RBPMS2: variants seen among roughly 807,000 people sequenced by gnomAD.
RBPMS2 encodes the protein RNA binding protein, mRNA processing factor 2.
A neutral mutation model predicts 25.7 loss-of-function variants in RBPMS2; 14 were observed. That is an observed-to-expected ratio of 0.55 (90% confidence interval 0.36 to 0.85). The LOEUF is 0.85. Among genes scored for constraint, RBPMS2 ranks in the 40% least tolerant of loss-of-function variants. The pLI, the probability that RBPMS2 is intolerant of heterozygous loss-of-function variation, is 0.01. For missense variants in RBPMS2, 252 were observed against 283.4 expected, an observed-to-expected ratio of 0.89 and a Z score of 0.80; for synonymous variants, 127 against 115.6, an observed-to-expected ratio of 1.10 and a Z score of -0.63.
Position 64,775,342 on chromosome 15 carries a change from G to T in RBPMS2, c.-23C>A, listed in dbSNP as rs533307410. The T allele has an allele frequency of 6.9e-4, 857 of 1,243,916 alleles. 18 individuals are homozygous for T. In the East Asian group the frequency reaches 0.028, roughly 40 times the overall value. 77.1% of individuals were successfully genotyped at this position (1,243,916 alleles called of 1,614,324 possible). A position where few individuals can be genotyped will look rare whatever the true frequency, so the allele number is the denominator to read the frequency against. On this transcript the variant is annotated 5_prime_UTR_variant, in exon 1 of 8. Coordinates refer to ENST00000300069, the MANE Select transcript of RBPMS2 (RefSeq NM_194272.3). ...CATGGTGCGGGGGAGGGGGCGGCGG[G>T]AAGGAACGCGAGGGCGAGCGCGGCG...
chr15:64,746,122 G>A (rs1344920918), intron 6 of RBPMS2, among the ~76,000 whole-genome samples: 1 of 152,166 alleles, frequency 6.6e-6, no homozygotes, highest in African/African-American at 2.4e-5. Context: ...TCTTAGTCGG[G>A]AAACAGTAAA....
At chr15:64,758,709 G>A (rs921507072) in intron 1 of RBPMS2, among the ~76,000 whole-genome samples, 2 of 151,930 alleles carry the variant, frequency 1.3e-5, no homozygotes, top group African/African-American at 4.8e-5. Context: ...CTTTTCTGAG[G>A]CAAGTCTTGC....
rs1595782498 is a variant in RBPMS2, at chr15:64,741,123, G to A, written c.*7+50C>T. 9 of 1,408,022 alleles carry A rather than the reference G, an allele frequency of 6.4e-6. No homozygotes were observed. In the South Asian group the frequency reaches 9.9e-5, roughly 15 times the overall value. 87.2% of individuals were successfully genotyped at this position (1,408,022 alleles called of 1,614,324 possible). ...AGAGGGAGGAACTACGGCCCTTCAG[G>A]GAGCCGGAGTCTAGGACACTTGTCC... On this transcript the variant is annotated intron_variant, in intron 7 of 7. Coordinates refer to ENST00000300069, the MANE Select transcript of RBPMS2 (RefSeq NM_194272.3).
At chr15:64,753,679 G>A (rs750631541) in intron 1 of RBPMS2, among the ~76,000 whole-genome samples, 1 of 152,124 alleles carries the variant, frequency 6.6e-6, no homozygotes, top group African/African-American at 2.4e-5. Context: ...CGCTTGGGAC[G>A]CATCTTCTCC....
intron 6 of RBPMS2, among the ~76,000 whole-genome samples, chr15:64,744,532 T>C (rs2083595139): frequency 1.5e-5 from 2 of 137,046 alleles, no homozygotes; most frequent in South Asian, 2.2e-4. Context: ...CACTCCAGCC[T>C]GGGCAACAAG....
chr15:64,747,460 G>A (rs889573772), intron 6 of RBPMS2, among the ~76,000 whole-genome samples: 3 of 152,096 alleles, frequency 2.0e-5, no homozygotes, highest in East Asian at 1.9e-4. Context: ...CTTCGCAGCA[G>A]CACAGCACAC....
intron 1 of RBPMS2, among the ~76,000 whole-genome samples, chr15:64,764,235 T>C (rs868143568): frequency 6.6e-6 from 1 of 152,154 alleles, no homozygotes; most frequent in Admixed American, 6.5e-5. Context: ...ACTGCCTGCC[T>C]GTGTGCCTGG....
intron 6 of RBPMS2, among the ~76,000 whole-genome samples, chr15:64,746,969 G>C (rs771264713): frequency 6.6e-6 from 1 of 152,188 alleles, no homozygotes; most frequent in Non-Finnish European, 1.5e-5. Context: ...TCACTGCCCA[G>C]GTCAGGGTAG....
intron 1 of RBPMS2, among the ~76,000 whole-genome samples, chr15:64,757,158 G>A (rs77262761): frequency 0.024 from 3,705 of 151,772 alleles, 46 homozygotes; most frequent in South Asian, 0.039. Flanking sequence ...TTTTTGTAGC[G>A]ATGAGGTCTC....
intron 1 of RBPMS2, among the ~76,000 whole-genome samples, chr15:64,772,322 G>C (rs1325009733): frequency 2.0e-5 from 3 of 152,188 alleles, no homozygotes; most frequent in Admixed American, 2.0e-4. Flanking sequence ...TTCATGTACT[G>C]TATTACCTCA....
chr15:64,749,233 A>G lies in RBPMS2; in HGVS notation c.268-83T>C. 2.6e-6 allele frequency: 4 copies of G among 1,540,936 alleles called. No homozygotes were observed. The Admixed American group carries it at 5.1e-5, about 20-fold the overall frequency. The stretch of plus-strand genomic sequence containing the variant: ...GGCAGAGAGTAGAGAAGGGCGCCAT[A>G]AACAAGCTCGCCTCGAAGACCTGCC... On this transcript the variant is annotated intron_variant, in intron 4 of 7. Coordinates refer to ENST00000300069, the MANE Select transcript of RBPMS2 (RefSeq NM_194272.3).
intron 6 of RBPMS2, among the ~76,000 whole-genome samples, chr15:64,741,582 G>A (rs997297155): frequency 1.3e-5 from 2 of 152,202 alleles, no homozygotes; most frequent in African/African-American, 4.8e-5. Context: ...CCCCTTTACT[G>A]ACACAGCACG....
intron 1 of RBPMS2, among the ~76,000 whole-genome samples, chr15:64,754,484 T>C (rs565663048): frequency 1.3e-5 from 2 of 152,002 alleles, no homozygotes; most frequent in East Asian, 1.9e-4. Context: ...TGGTGGCGCA[T>C]GCCTATAATC....
chr15:64,768,496 G>C (rs2083865800), intron 1 of RBPMS2, among the ~76,000 whole-genome samples: 1 of 152,136 alleles, frequency 6.6e-6, no homozygotes, highest in African/African-American at 2.4e-5. Flanking sequence ...AACTTAGCCA[G>C]GTGTGGTAGC....
At chr15:64,764,275 C>CAA (rs1211975757) in intron 1 of RBPMS2, among the ~76,000 whole-genome samples, 1 of 152,166 alleles carries the variant, frequency 6.6e-6, no homozygotes, top group African/African-American at 2.4e-5. Flanking sequence ...CACTGCCATA[C>CAA]AATACCCTAC....
chr15:64,751,704 C>G, intron 1 of RBPMS2, 66 bp from the exon 2 acceptor site: 1 of 1,351,668 alleles, frequency 7.4e-7, no homozygotes, highest in South Asian at 1.2e-5. Context: ...AACAGCGCTT[C>G]CTTCAGGCAG....
At chr15:64,747,512 T>C (rs573452847) in intron 6 of RBPMS2, among the ~76,000 whole-genome samples, 1 of 152,284 alleles carries the variant, frequency 6.6e-6, no homozygotes, top group Non-Finnish European at 1.5e-5. Flanking sequence ...GCTCATCACC[T>C]GGCTGGTCAA....
Position 64,775,444 on chromosome 15 carries a change from G to C in RBPMS2, c.-125C>G. 3 of 392,774 alleles carry C rather than the reference G, an allele frequency of 7.6e-6. No homozygotes were observed. The highest frequency in any genetic ancestry group is 1.3e-5 in the Non-Finnish European group (3 of 232,710). 24.3% of individuals were successfully genotyped at this position (392,774 alleles called of 1,614,324 possible). ...GCGGAGCGGGTGGCGGGGGACCCACGGGGCAGTGAGAGGGGCAGCCTCCGC... is the reference window on the plus strand; with the variant it reads ...GCGGAGCGGGTGGCGGGGGACCCACCGGGCAGTGAGAGGGGCAGCCTCCGC... On this transcript the variant is annotated 5_prime_UTR_variant, in exon 1 of 8. Coordinates refer to ENST00000300069, the MANE Select transcript of RBPMS2 (RefSeq NM_194272.3).
At chr15:64,763,848 G>C (rs2083816076) in intron 1 of RBPMS2, among the ~76,000 whole-genome samples, 1 of 151,998 alleles carries the variant, frequency 6.6e-6, no homozygotes, top group African/African-American at 2.4e-5. Flanking sequence ...AACTAAGCCA[G>C]GGTGAAAAGT....
Sources: gnomAD v4.1 joint callset for allele counts (sites outside exome capture counted in the v4.1 genomes callset) on GRCh38, gnomAD v4.1.1 for gene constraint, MANE v1.5 for transcripts, NCBI Gene and HGNC (gene_info 2026-07-23, HGNC 2026-07-21) for gene names.